Variants in ARMH3 observed in about 807,000 individuals in gnomAD.
ARMH3 encodes the protein armadillo like helical domain containing 3.
A neutral mutation model predicts 99.1 loss-of-function variants in ARMH3; 60 were observed. That is an observed-to-expected ratio of 0.61 (90% CI 0.49 to 0.75). The LOEUF (loss-of-function observed/expected upper bound fraction) is 0.75, where lower values mean the gene tolerates loss of function less well. Ranked by LOEUF, ARMH3 falls within the 30% of genes least tolerant of loss-of-function variation. ARMH3 has a pLI of 0.00. For missense variants in ARMH3, 679 were observed against 843.1 expected (o/e 0.81, Z 2.41); for synonymous variants, 285 against 292.8 (o/e 0.97, Z 0.27).
intron 25 of ARMH3, among the ~76,000 whole-genome samples, chr10:101,848,268 C>G (rs892083059): frequency 3.3e-5 from 5 of 152,154 alleles, no homozygotes; most frequent in African/African-American, 9.7e-5. Context: ...AGAGGAAAGT[C>G]TGGGGCGTAT....
At chr10:101,975,369 T>C in intron 19 of ARMH3, 69 bp from the exon 20 acceptor site, 1 of 1,252,398 alleles carries the variant, frequency 8.0e-7, no homozygotes, top group Non-Finnish European at 1.2e-6. Context: ...AGATCCCTTC[T>C]TAGTGAGCCA....
At position 101,847,392 on chromosome 10, in the gene ARMH3, T is replaced by C; in HGVS notation, c.*136A>G. The stretch of plus-strand genomic sequence containing the variant: ...CCCTGCTGCCCAAGCTCCATTGAAG[T>C]GCGGTCTTCACCAAGAGAACTTGGT... On this transcript the variant is annotated 3_prime_UTR_variant, in exon 26 of 26. Coordinates refer to ENST00000370033, the MANE Select transcript of ARMH3 (RefSeq NM_024541.3). 1 of 820,222 alleles carries C rather than the reference T, an allele frequency of 1.2e-6. No individual in the cohort carries two copies. The highest frequency in any genetic ancestry group is 2.0e-6 in the Non-Finnish European group (1 of 495,574). The allele number at this position is 820,222 out of a possible 1,614,324, so 50.8% of individuals were successfully genotyped here.
At chr10:102,002,895 AG>A (rs1408779708) in intron 14 of ARMH3, among the ~76,000 whole-genome samples, 1 of 151,568 alleles carries the variant, frequency 6.6e-6, no homozygotes, top group Non-Finnish European at 1.5e-5. Context: ...CGGGAGGCGG[AG>A]GTTGTAGTGA....
At chr10:102,022,718 C>A (rs1421293568) in intron 8 of ARMH3, among the ~76,000 whole-genome samples, 1 of 148,442 alleles carries the variant, frequency 6.7e-6, no homozygotes, top group Non-Finnish European at 1.5e-5. Context: ...GTAGCTGGGA[C>A]CACAGGCGCA....
chr10:101,876,750 G>A (rs953951140), intron 24 of ARMH3, among the ~76,000 whole-genome samples: 2 of 152,120 alleles, frequency 1.3e-5, no homozygotes, highest in Non-Finnish European at 2.9e-5. Flanking sequence ...AGATGTTGCA[G>A]TGGAAACAAA....
chr10:101,864,982 C>T (rs1461803993), intron 24 of ARMH3, among the ~76,000 whole-genome samples: 1 of 151,300 alleles, frequency 6.6e-6, no homozygotes, highest in Non-Finnish European at 1.5e-5. Flanking sequence ...TTTGGGAGGC[C>T]GAGGCGGGCA....
intron 23 of ARMH3, among the ~76,000 whole-genome samples, chr10:101,897,804 C>T (rs998461212): frequency 1.3e-5 from 2 of 152,198 alleles, no homozygotes; most frequent in Non-Finnish European, 2.9e-5. Context: ...ATCTGGGCCA[C>T]CCTCCAATGC....
chr10:101,987,897 G>T (rs1846585175), intron 19 of ARMH3, among the ~76,000 whole-genome samples: 1 of 152,118 alleles, frequency 6.6e-6, no homozygotes, highest in Admixed American at 6.5e-5. Flanking sequence ...TAAGCCTTAA[G>T]GTTTTTTTTA....
chr10:101,889,046 G>C (rs979937671), intron 24 of ARMH3, among the ~76,000 whole-genome samples: 2 of 152,106 alleles, frequency 1.3e-5, no homozygotes, highest in African/African-American at 2.4e-5. Context: ...GCTGAACTCA[G>C]GGTTTTTCTA....
chr10:101,982,656 C>T (rs923688781), intron 19 of ARMH3, among the ~76,000 whole-genome samples: 3 of 152,130 alleles, frequency 2.0e-5, no homozygotes, highest in Non-Finnish European at 4.4e-5. Flanking sequence ...AACTCTGCCT[C>T]CTGTCAGATC....
rs1440251347 is a variant in ARMH3, at chr10:101,950,019, T to A, written c.1705+6578A>T. ...AATTTCCTCAACCAGATAGAGGGCA[T>A]CTATGAACAACCTACAGCTAACATC... On this transcript the variant is annotated intron_variant, in intron 22 of 25. Transcript: ENST00000370033. Among the ~76,000 whole-genome samples, 7 of 152,148 alleles carry A rather than the reference T, an allele frequency of 4.6e-5. No individual in the cohort carries two copies. The East Asian group carries it at 1.3e-3, about 29-fold the overall frequency.
chr10:102,010,535 T>A (rs568742146), intron 11 of ARMH3, among the ~76,000 whole-genome samples: 1 of 152,208 alleles, frequency 6.6e-6, no homozygotes, highest in African/African-American at 2.4e-5. Context: ...ATTTTTCAGA[T>A]AACAAAATCT....
intron 5 of ARMH3, among the ~76,000 whole-genome samples, chr10:102,026,023 AG>A (rs1369067119): frequency 3.3e-5 from 5 of 152,342 alleles, no homozygotes; most frequent in Non-Finnish European, 5.9e-5. Flanking sequence ...GTATCATTAC[AG>A]GCTATCACTA....
intron 20 of ARMH3, among the ~76,000 whole-genome samples, chr10:101,973,313 G>C (rs1845850590): frequency 1.4e-5 from 2 of 138,920 alleles, no homozygotes; most frequent in South Asian, 4.5e-4. Flanking sequence ...AGTGAACCGA[G>C]ATCATGCCAC....
At chr10:101,949,924 A>G (rs1333590394) in intron 22 of ARMH3, among the ~76,000 whole-genome samples, 1 of 152,192 alleles carries the variant, frequency 6.6e-6, no homozygotes, top group Non-Finnish European at 1.5e-5. Flanking sequence ...AATCATGGCA[A>G]TAAATGCTAG....
chr10:102,040,730 G>A (rs544209260), intron 1 of ARMH3, among the ~76,000 whole-genome samples: 2 of 152,226 alleles, frequency 1.3e-5, no homozygotes, highest in South Asian at 4.1e-4. Flanking sequence ...TCTGTAATAG[G>A]TCTGGCCATA....
chr10:102,025,375 C>G, intron 5 of ARMH3, 127 bp from the exon 6 acceptor site: 1 of 672,718 alleles, frequency 1.5e-6, no homozygotes, highest in Non-Finnish European at 2.5e-6. Context: ...TTTCCTTAGG[C>G]CCAGAACTTA....
At chr10:101,890,202 T>C (rs560488757) in intron 23 of ARMH3, among the ~76,000 whole-genome samples, 19 of 151,310 alleles carry the variant, frequency 1.3e-4, no homozygotes, top group Admixed American at 6.6e-4. Context: ...AAATGATTCA[T>C]AGAGAGAGAC....
intron 23 of ARMH3, among the ~76,000 whole-genome samples, chr10:101,929,859 C>A (rs1439943924): frequency 6.6e-6 from 1 of 152,026 alleles, no homozygotes; most frequent in Non-Finnish European, 1.5e-5. Flanking sequence ...TATCCCTTAT[C>A]CAAAATGCTT....
Sources: allele counts gnomAD v4.1 joint callset (sites outside exome capture counted in the v4.1 genomes callset), GRCh38; gene constraint gnomAD v4.1.1; transcripts MANE v1.5; gene names NCBI Gene and HGNC (gene_info 2026-07-23, HGNC 2026-07-21).